Variants in SCRN3 observed in about 807,000 individuals in gnomAD.
SCRN3 encodes the protein secernin 3.
SCRN3 carries 39 observed loss-of-function variants against 43.1 expected under a neutral mutation model. The observed-to-expected ratio is 0.91, with a 90% CI of 0.70 to 1.18. SCRN3 has a LOEUF of 1.18. SCRN3 is among the 50% of genes most tolerant of loss of function. The pLI, the probability that SCRN3 is intolerant of heterozygous loss-of-function variation, is 0.00. For synonymous variants in SCRN3, 147 were observed against 163.1 expected, an observed-to-expected ratio of 0.90 and a Z score of 0.75; for missense variants, 484 against 498.0, an observed-to-expected ratio of 0.97 and a Z score of 0.27.
chr2:174,404,562 C>T (rs1290739820), intron 5 of SCRN3, among the ~76,000 whole-genome samples: 3 of 139,700 alleles, frequency 2.1e-5, no homozygotes, highest in Admixed American at 7.3e-5. Context: ...CCCACTAACT[C>T]GTCATCTAGC....
rs117593799 is a variant in SCRN3 at position 174,416,659 on chromosome 2, A to G, written c.755-6226A>G. Among the ~76,000 whole-genome samples the G allele has an allele frequency of 6.3e-3, 956 of 152,288 alleles. 22 individuals are homozygous for G. The highest frequency in any genetic ancestry group is 0.022 in the East Asian group (113 of 5,186). ...GGAGGTGGGCACTCCTATCTACTTG[A>G]AAGTCAAGATATTAACTCAGACCTG... is the stretch of plus-strand genomic sequence containing the variant. On this transcript the variant is annotated intron_variant, in intron 5 of 7. Coordinates refer to ENST00000272732, the MANE Select transcript of SCRN3 (RefSeq NM_024583.5).
intron 6 of SCRN3, among the ~76,000 whole-genome samples, chr2:174,423,745 A>G (rs548842251): frequency 6.1e-5 from 9 of 148,108 alleles, no homozygotes; most frequent in African/African-American, 2.3e-4. Flanking sequence ...CTGGGATTAC[A>G]GGCGTGAGCC....
chr2:174,399,899 C>CT (rs59353951), intron 2 of SCRN3, 23 bp from the exon 3 acceptor site: 85,683 of 1,132,442 alleles, frequency 0.076, 1,886 homozygotes, highest in African/African-American at 0.26. Flanking sequence ...CTTGCTATGA[C>CT]TTTTTTTTTT....
intron 5 of SCRN3, among the ~76,000 whole-genome samples, chr2:174,416,490 G>T (rs990703136): frequency 2.0e-5 from 3 of 152,180 alleles, no homozygotes; most frequent in Non-Finnish European, 4.4e-5. Context: ...ACTACTCTGA[G>T]ATAATAACCT....
At chr2:174,410,725 T>A (rs1274976791) in intron 5 of SCRN3, among the ~76,000 whole-genome samples, 1 of 152,224 alleles carries the variant, frequency 6.6e-6, no homozygotes, top group Admixed American at 6.5e-5. Context: ...GTTATTTTCT[T>A]GTATATAGAA....
At chr2:174,414,920 C>T (rs751179324) in intron 5 of SCRN3, among the ~76,000 whole-genome samples, 25 of 151,940 alleles carry the variant, frequency 1.6e-4, no homozygotes, top group Non-Finnish European at 2.8e-4. Flanking sequence ...CCTGCCACCA[C>T]GCCTGGCTAA....
intron 5 of SCRN3, among the ~76,000 whole-genome samples, chr2:174,420,074 G>A (rs928469614): frequency 2.6e-5 from 4 of 152,038 alleles, no homozygotes; most frequent in Admixed American, 6.5e-5. Flanking sequence ...GTTTCTTAAC[G>A]CAATTGCCAA....
At position 174,408,610 on chromosome 2, in the gene SCRN3, C is replaced by G. The variant is rs1431206191; in HGVS notation, c.754+4295C>G. 9.4e-4 allele frequency among the ~76,000 whole-genome samples: 134 copies of G among 141,806 alleles called. 2 individuals are homozygous for G. Among genetic ancestry groups the G allele is most frequent in the Non-Finnish European group, 1.3e-4 (8 of 63,604 alleles). 93.0% of individuals were successfully genotyped at this position (141,806 alleles called of 152,430 possible). ...AGCGGCTGGTACCGGTTGTTCCTTT[C>G]CATGTTTAGCGCTTCCTTCAGGAGC... On this transcript the variant is annotated intron_variant, in intron 5 of 7. Coordinates refer to ENST00000272732, the MANE Select transcript of SCRN3 (RefSeq NM_024583.5).
intron 5 of SCRN3, among the ~76,000 whole-genome samples, chr2:174,408,081 A>T (rs1685759235): frequency 5.2e-5 from 1 of 19,054 alleles, no homozygotes; most frequent in Non-Finnish European, 1.3e-4. Context: ...CCCATTATTA[A>T]TGTGTGGGAG....
chr2:174,396,288 G>A (rs1685305671), intron 1 of SCRN3: 7 of 988,862 alleles, frequency 7.1e-6, no homozygotes, highest in Non-Finnish European at 8.4e-6. Flanking sequence ...TACGCGTTAG[G>A]AGTTGGTAAA....
At chr2:174,406,367 A>G (rs1265711001) in intron 5 of SCRN3, among the ~76,000 whole-genome samples, 1 of 136,724 alleles carries the variant, frequency 7.3e-6, no homozygotes, top group Non-Finnish European at 1.7e-5. Context: ...GGCTGAGACA[A>G]TGGGGTTTTC....
chr2:174,412,185 G>GTTTTTGTTTTTCTTGGTTT (rs1460396970), intron 5 of SCRN3, among the ~76,000 whole-genome samples: 2 of 151,836 alleles, frequency 1.3e-5, no homozygotes, highest in African/African-American at 4.8e-5. Context: ...GGTTGTTGTT[G>GTTTTTGTTTTTCTTGGTTT]TTCTTGTTTT....
intron 5 of SCRN3, among the ~76,000 whole-genome samples, chr2:174,422,385 C>G (rs1441300275): frequency 6.6e-6 from 1 of 152,110 alleles, no homozygotes; most frequent in Non-Finnish European, 1.5e-5. Context: ...ACCAGCCTGG[C>G]CAACATGGTG....
intron 2 of SCRN3, 62 bp downstream of exon 2, chr2:174,398,504 A>C: frequency 7.2e-7 from 1 of 1,389,048 alleles, no homozygotes; most frequent in South Asian, 1.4e-5. Flanking sequence ...AGTTATTTCT[A>C]TACATAGCAA....
At chr2:174,400,935 TA>T (rs926032826) in intron 3 of SCRN3, 54 bp from the exon 4 acceptor site, 24 of 1,365,408 alleles carry the variant, frequency 1.8e-5, no homozygotes, top group Middle Eastern at 2.5e-4. Flanking sequence ...TGAAATTATT[TA>T]AAAAAAATAA....
intron 7 of SCRN3, among the ~76,000 whole-genome samples, chr2:174,426,523 G>A (rs1381579015): frequency 1.3e-5 from 2 of 152,136 alleles, no homozygotes; most frequent in African/African-American, 4.8e-5. Context: ...TATAATCCCA[G>A]CACTTTGGGA....
At chr2:174,413,124 G>A (rs181651091) in intron 5 of SCRN3, among the ~76,000 whole-genome samples, 3 of 151,596 alleles carry the variant, frequency 2.0e-5, no homozygotes, top group Admixed American at 2.0e-4. Flanking sequence ...CACCCGTCTC[G>A]GCCTCCCAAA....
intron 4 of SCRN3, 102 bp from the exon 5 acceptor site, chr2:174,404,001 T>A: frequency 1.2e-6 from 1 of 837,576 alleles, no homozygotes; most frequent in South Asian, 1.9e-5. Flanking sequence ...TAGAAGTCTA[T>A]ATTTATGTTT....
chr2:174,404,653 G>C (rs1265487323), intron 5 of SCRN3, among the ~76,000 whole-genome samples: 1 of 117,820 alleles, frequency 8.5e-6, no homozygotes, highest in Non-Finnish European at 1.7e-5. Flanking sequence ...TCCCCTTCCT[G>C]TGTCCATGTG....
Sources: gnomAD v4.1 joint callset for allele counts (sites outside exome capture counted in the v4.1 genomes callset) on GRCh38, gnomAD v4.1.1 for gene constraint, MANE v1.5 for transcripts, NCBI Gene and HGNC (gene_info 2026-07-23, HGNC 2026-07-21) for gene names.